MCUR1: variants seen among roughly 807,000 people sequenced by gnomAD.
The protein encoded by MCUR1 is MCU regulator 1.
A neutral mutation model predicts 42.0 loss-of-function variants in MCUR1; 37 were observed. The observed-to-expected ratio is 0.88, with a 90% CI of 0.68 to 1.16. The LOEUF (loss-of-function observed/expected upper bound fraction) is 1.16, where lower values mean the gene tolerates loss of function less well. Ranked by LOEUF, MCUR1 falls within the 50% of genes most tolerant of loss-of-function variation. MCUR1 has a pLI of 0.00. For missense variants in MCUR1, 469 were observed against 468.4 expected, an observed-to-expected ratio of 1.00 and a Z score of -0.01; for synonymous variants, 229 against 196.2, an observed-to-expected ratio of 1.17 and a Z score of -1.40.
chr6:13,790,556 A>C lies in MCUR1; in HGVS notation c.*253T>G. On this transcript the variant is annotated 3_prime_UTR_variant, in exon 9 of 9. Transcript: ENST00000379170. Reference sequence around the variant, plus strand: ...CGGCTCACTACAAGCTCCGCCTCCCAGGTTCACACCTTAGCCTCCCGAGTA... The same window carrying C: ...CGGCTCACTACAAGCTCCGCCTCCCCGGTTCACACCTTAGCCTCCCGAGTA... The C allele has an allele frequency of 4.4e-6, 1 of 227,852 alleles. No homozygotes were observed. Among genetic ancestry groups the C allele is most frequent in the Non-Finnish European group, 8.5e-6 (1 of 117,112 alleles). 14.1% of individuals were successfully genotyped at this position (227,852 alleles called of 1,614,324 possible). A position where few individuals can be genotyped will look rare whatever the true frequency, so the allele number is the denominator to read the frequency against.
Position 13,788,928 on chromosome 6 carries a change from A to G in MCUR1, c.*1881T>C, listed in dbSNP as rs1005541661. 1.3e-5 allele frequency: 2 copies of G among 152,242 alleles called. No homozygotes were observed. Among genetic ancestry groups the G allele is most frequent in the Admixed American group, 1.3e-4 (2 of 15,282 alleles). 9.4% of individuals were successfully genotyped at this position (152,242 alleles called of 1,614,324 possible). A position where few individuals can be genotyped will look rare whatever the true frequency, so the allele number is the denominator to read the frequency against. On this transcript the variant is annotated 3_prime_UTR_variant, in exon 9 of 9. Coordinates refer to ENST00000379170, the MANE Select transcript of MCUR1 (RefSeq NM_001031713.4). ...TCCAAAGTTTAGACATGACATCCAAAGGACAAAAGGTAACTATTTTTTTTA... is the reference window on the plus strand; with the variant it reads ...TCCAAAGTTTAGACATGACATCCAAGGGACAAAAGGTAACTATTTTTTTTA...
intron 4 of MCUR1, among the ~76,000 whole-genome samples, chr6:13,800,893 G>A (rs1759974669): frequency 6.6e-6 from 1 of 152,104 alleles, no homozygotes; most frequent in African/African-American, 2.4e-5. Context: ...TTTCGCAGTA[G>A]CAATTATTCA....
chr6:13,814,462 C>T lies in MCUR1; in HGVS notation c.-33G>A. 1 of 1,460,264 alleles carries T rather than the reference C, an allele frequency of 6.8e-7. No individual in the cohort carries two copies. The highest frequency in any genetic ancestry group is 9.0e-7 in the Non-Finnish European group (1 of 1,116,202). 90.5% of individuals were successfully genotyped at this position (1,460,264 alleles called of 1,614,324 possible). On this transcript the variant is annotated 5_prime_UTR_variant, in exon 1 of 9. An upstream start codon of the reference 5' UTR is lost. Coordinates refer to ENST00000379170, the MANE Select transcript of MCUR1 (RefSeq NM_001031713.4). Reference sequence around the variant, plus strand: ...CAGTTCACTGGCCCGGGCGCGCGCTCATGCCTCTCGCTTTTGGCGCCGGCC... The same window carrying T: ...CAGTTCACTGGCCCGGGCGCGCGCTTATGCCTCTCGCTTTTGGCGCCGGCC...
intron 2 of MCUR1, chr6:13,804,201 T>C (rs1760057761): frequency 1.4e-5 from 3 of 208,440 alleles, no homozygotes; most frequent in Admixed American, 1.1e-4. Context: ...TGCATGCCTG[T>C]AATCCCAGCT....
chr6:13,796,851 A>T (rs1410323559), intron 6 of MCUR1, among the ~76,000 whole-genome samples: 1 of 152,132 alleles, frequency 6.6e-6, no homozygotes, highest in East Asian at 1.9e-4. Context: ...TTGGTTAGCT[A>T]CACACAGTCA....
chr6:13,799,769 A>G (rs185769352), intron 5 of MCUR1, among the ~76,000 whole-genome samples: 18 of 152,038 alleles, frequency 1.2e-4, no homozygotes, highest in African/African-American at 4.3e-4. Context: ...CCTTCCGTGC[A>G]GCACTTTAGA....
rs1759608943 is a variant in MCUR1 at position 13,786,621 on chromosome 6, AT to A, written c.*4187del. On this transcript the variant is annotated 3_prime_UTR_variant, in exon 9 of 9. Transcript: ENST00000379170. Reference sequence around the variant, plus strand: ...TTTCAAGTATTAGATTTACTTAGAAATTCACCAGTGTTATCATTATACAATT... The same window carrying A: ...TTTCAAGTATTAGATTTACTTAGAAATCACCAGTGTTATCATTATACAATT... The A allele has an allele frequency of 1.3e-5, 2 of 152,194 alleles. No homozygotes were observed. Among genetic ancestry groups the A allele is most frequent in the Non-Finnish European group, 2.9e-5 (2 of 68,030 alleles). 9.4% of individuals were successfully genotyped at this position (152,194 alleles called of 1,614,324 possible). A position where few individuals can be genotyped will look rare whatever the true frequency, so the allele number is the denominator to read the frequency against.
At chr6:13,810,202 CA>C (rs1312803526) in intron 1 of MCUR1, among the ~76,000 whole-genome samples, 719 of 141,856 alleles carry the variant, frequency 5.1e-3, no homozygotes, top group Non-Finnish European at 8.1e-3. Context: ...GACTTCATCT[CA>C]AAAAAAAAAA....
chr6:13,795,339 T>C (rs1013708227), intron 6 of MCUR1, among the ~76,000 whole-genome samples: 5 of 152,122 alleles, frequency 3.3e-5, no homozygotes, highest in Admixed American at 6.6e-5. Flanking sequence ...TAACTCAACA[T>C]TGACTCACCC....
At position 13,790,847 on chromosome 6, in the gene MCUR1, G is replaced by T; in HGVS notation, c.1042C>A (p.Leu348Ile). ...KYLAGSIFTCLTVALGFYRLW... is the reference protein window; with the variant it reads ...KYLAGSIFTCITVALGFYRLW... ...CGATAAAATCCCAGAGCTACTGTTA[G>T]GCACGTAAATATAGACCCTGTAAGA... is the stretch of plus-strand genomic sequence containing the variant. The change falls in exon 9 of 9, where the codon CTA (leucine) becomes ATA (isoleucine). Residue 348 changes from leucine to isoleucine, a missense_variant. Leu to Ile is a conservative substitution (Grantham distance 5). Coordinates refer to ENST00000379170, the MANE Select transcript of MCUR1 (RefSeq NM_001031713.4). 1 of 1,611,414 alleles carries T rather than the reference G, an allele frequency of 6.2e-7. No individual in the cohort carries two copies.
chr6:13,800,059 G>C (rs1401679777), intron 5 of MCUR1, among the ~76,000 whole-genome samples: 1 of 151,784 alleles, frequency 6.6e-6, no homozygotes, highest in Non-Finnish European at 1.5e-5. Context: ...CTGAACTCCT[G>C]ACCTCAGGTG....
chr6:13,794,740 TC>T (rs1759815704), intron 6 of MCUR1, among the ~76,000 whole-genome samples: 1 of 151,306 alleles, frequency 6.6e-6, no homozygotes, highest in South Asian at 2.1e-4. Context: ...AACCTCTGCC[TC>T]CCAGGTTCAA....
At position 13,814,454 on chromosome 6, in the gene MCUR1, C is replaced by A. The variant is rs769058041; in HGVS notation, c.-25G>T. On this transcript the variant is annotated 5_prime_UTR_variant, in exon 1 of 9. Transcript: ENST00000379170. Reference sequence around the variant, plus strand: ...TCCCCGAGCAGTTCACTGGCCCGGGCGCGCGCTCATGCCTCTCGCTTTTGG... The same window carrying A: ...TCCCCGAGCAGTTCACTGGCCCGGGAGCGCGCTCATGCCTCTCGCTTTTGG... 6.7e-7 allele frequency: 1 copy of A among 1,481,832 alleles called. No individual in the cohort carries two copies. Among genetic ancestry groups the A allele is most frequent in the Non-Finnish European group, 8.9e-7 (1 of 1,126,368 alleles). The allele number at this position is 1,481,832 out of a possible 1,614,324, so 91.8% of individuals were successfully genotyped here. A position where few individuals can be genotyped will look rare whatever the true frequency, so the allele number is the denominator to read the frequency against.
chr6:13,808,769 A>G (rs1229176620), intron 1 of MCUR1, among the ~76,000 whole-genome samples: 4 of 152,038 alleles, frequency 2.6e-5, no homozygotes, highest in African/African-American at 9.7e-5. Flanking sequence ...CTCCACTGAA[A>G]TGTCTTGTCA....
chr6:13,806,965 G>A lies in MCUR1; in HGVS notation c.495C>T (p.Tyr165=). 6.2e-7 allele frequency: 1 copy of A among 1,613,582 alleles called. No individual in the cohort carries two copies. Among genetic ancestry groups the A allele is most frequent in the Non-Finnish European group, 8.5e-7 (1 of 1,179,588 alleles). Residue 165 remains tyrosine, a synonymous_variant, in exon 2 of 9, where the codon TAC becomes TAT. Coordinates refer to ENST00000379170, the MANE Select transcript of MCUR1 (RefSeq NM_001031713.4). The part of the protein sequence containing the change: ...DFTSSGSRKL[Y]FDTHALVCLL... ...AGCACACTAAGGCATGAGTGTCGAA[G>A]TAGAGTTTCCTGCTCCCAGAAGAGG...
intron 6 of MCUR1, among the ~76,000 whole-genome samples, chr6:13,797,093 GA>G (rs1345412083): frequency 2.0e-5 from 3 of 152,134 alleles, no homozygotes; most frequent in Non-Finnish European, 4.4e-5. Context: ...ATTAACTCTT[GA>G]AATCCAGTGG....
At chr6:13,810,164 C>CT (rs1268009946) in intron 1 of MCUR1, among the ~76,000 whole-genome samples, 1 of 151,872 alleles carries the variant, frequency 6.6e-6, no homozygotes, top group Non-Finnish European at 1.5e-5. Context: ...GATCGCACCA[C>CT]TGCACTACAG....
At chr6:13,802,969 A>G (rs1181692795) in intron 2 of MCUR1, among the ~76,000 whole-genome samples, 1 of 152,220 alleles carries the variant, frequency 6.6e-6, no homozygotes, top group African/African-American at 2.4e-5. Context: ...TCTCTTCAGT[A>G]ACTAGTCTGG....
chr6:13,804,549 C>A (rs986730451), intron 2 of MCUR1, among the ~76,000 whole-genome samples: 1 of 151,080 alleles, frequency 6.6e-6, no homozygotes, highest in South Asian at 2.1e-4. Context: ...CCGAGGCGGG[C>A]GGATCACGAG....
Sources: allele counts gnomAD v4.1 joint callset (sites outside exome capture counted in the v4.1 genomes callset), GRCh38; gene constraint gnomAD v4.1.1; transcripts MANE v1.5; gene names NCBI Gene and HGNC (gene_info 2026-07-23, HGNC 2026-07-21).